RBFOX1: variants seen among roughly 807,000 people sequenced by gnomAD.
RBFOX1 encodes RNA binding fox-1 homolog 1, also known as RNA binding protein fox-1 homolog 1.
Under a neutral mutation model 57.7 loss-of-function variants are expected in RBFOX1, and 8 were observed. The observed-to-expected ratio is 0.14, with a 90% CI of 0.08 to 0.25. The LOEUF is 0.25. RBFOX1 is among the 10% of genes least tolerant of loss of function. The pLI, the probability that RBFOX1 is intolerant of heterozygous loss-of-function variation, is 1.00. For synonymous variants in RBFOX1, 326 were observed against 222.4 expected, an observed-to-expected ratio of 1.47 and a Z score of -4.15; for missense variants, 611 against 548.5, an observed-to-expected ratio of 1.11 and a Z score of -1.14.
chr16:5,436,186 G>T (rs2067912628), intron 1 of RBFOX1, among the ~76,000 whole-genome samples: 1 of 152,190 alleles, frequency 6.6e-6, no homozygotes, highest in South Asian at 2.1e-4. Context: ...ACACTTCAAT[G>T]CTCTGATCCC....
At chr16:6,879,683 C>T (rs1045474187) in intron 3 of RBFOX1, among the ~76,000 whole-genome samples, 23 of 152,136 alleles carry the variant, frequency 1.5e-4, no homozygotes, top group Non-Finnish European at 2.6e-4. Flanking sequence ...CTATGTTGTA[C>T]GTCTCTGTTT....
At chr16:7,395,871 G>T (rs1485988255) in intron 4 of RBFOX1, among the ~76,000 whole-genome samples, 4 of 152,108 alleles carry the variant, frequency 2.6e-5, no homozygotes, top group Non-Finnish European at 5.9e-5. Context: ...TAATTGACTG[G>T]CATGGTTACA....
chr16:5,648,748 C>T (rs1311807989), intron 3 of RBFOX1, among the ~76,000 whole-genome samples: 1 of 152,140 alleles, frequency 6.6e-6, no homozygotes, highest in Admixed American at 6.5e-5. Flanking sequence ...TCTACCTCCT[C>T]TTTTTATTTG....
chr16:7,014,164 A>C (rs2093788410), intron 3 of RBFOX1, among the ~76,000 whole-genome samples: 1 of 152,146 alleles, frequency 6.6e-6, no homozygotes, highest in African/African-American at 2.4e-5. Flanking sequence ...CAAGGTGCTG[A>C]AACTTTGACA....
chr16:6,862,860 C>T (rs909282711), intron 3 of RBFOX1, among the ~76,000 whole-genome samples: 5 of 151,442 alleles, frequency 3.3e-5, no homozygotes, highest in African/African-American at 1.2e-4. Flanking sequence ...TGGCCGGCAC[C>T]TGTAATCCCA....
intron 2 of RBFOX1, among the ~76,000 whole-genome samples, chr16:6,409,093 C>G (rs2093376230): frequency 6.6e-6 from 1 of 152,080 alleles, no homozygotes; most frequent in South Asian, 2.1e-4. Context: ...TCCCTACATA[C>G]TACTTCAAAT....
At chr16:5,997,625 T>A (rs2060513658) in intron 4 of RBFOX1, among the ~76,000 whole-genome samples, 2 of 152,210 alleles carry the variant, frequency 1.3e-5, no homozygotes. Flanking sequence ...TTGCAGGTGA[T>A]AAATGAATTA....
At chr16:5,905,064 CTTT>C (rs57349384) in intron 4 of RBFOX1, among the ~76,000 whole-genome samples, 138 of 78,460 alleles carry the variant, frequency 1.8e-3, no homozygotes, top group Admixed American at 3.6e-3. Flanking sequence ...ATGACTGGTG[CTTT>C]TTTTTTTTTT....
At chr16:5,812,397 C>G (rs2055465699) in intron 3 of RBFOX1, among the ~76,000 whole-genome samples, 3 of 151,932 alleles carry the variant, frequency 2.0e-5, no homozygotes, top group South Asian at 4.1e-4. Flanking sequence ...TACATTTCCA[C>G]CAGCAGTCTA....
intron 3 of RBFOX1, among the ~76,000 whole-genome samples, chr16:5,751,922 G>T (rs763494006): frequency 1.3e-5 from 2 of 152,080 alleles, no homozygotes; most frequent in Non-Finnish European, 2.9e-5. Context: ...TCCCATTCCT[G>T]GGTATATACC....
intron 3 of RBFOX1, among the ~76,000 whole-genome samples, chr16:6,863,044 T>C (rs1603633737): frequency 6.6e-6 from 1 of 151,884 alleles, no homozygotes; most frequent in African/African-American, 2.4e-5. Context: ...AGAGTCCTTC[T>C]AAGGTGTTTG....
At position 5,639,802 on chromosome 16, in the gene RBFOX1, C is replaced by G. The variant is rs577619612; in HGVS notation, c.318+40841C>G. The stretch of plus-strand genomic sequence containing the variant: ...TGGGTGTGGTTTCCAGTCCCCTGGG[C>G]TGGTGTCGCTCTGTTCTCTTTGTTA... On this transcript the variant is annotated intron_variant, in intron 3 of 19. Coordinates refer to the RBFOX1 transcript ENST00000641259. Among the ~76,000 whole-genome samples, 109 of 152,176 alleles carry G rather than the reference C, an allele frequency of 7.2e-4. 2 individuals carry two copies. Among genetic ancestry groups the G allele is most frequent in the Admixed American group, 1.2e-3 (18 of 15,284 alleles).
chr16:5,317,472 G>C (rs2064274313), intron 1 of RBFOX1, among the ~76,000 whole-genome samples: 1 of 152,194 alleles, frequency 6.6e-6, no homozygotes, highest in Non-Finnish European at 1.5e-5. Context: ...AGTTGGGCGT[G>C]GTGGCGCACG....
intron 3 of RBFOX1, among the ~76,000 whole-genome samples, chr16:6,820,261 G>A (rs12599928): frequency 0.53 from 79,860 of 152,002 alleles, 21,598 homozygotes; most frequent in Non-Finnish European, 0.59. Context: ...TTTATAAATT[G>A]TCCAGTCTCA....
intron 2 of RBFOX1, among the ~76,000 whole-genome samples, chr16:5,566,820 A>C (rs1382673738): frequency 6.6e-6 from 1 of 152,134 alleles, no homozygotes; most frequent in East Asian, 1.9e-4. Context: ...ACCTACAGAC[A>C]CACCGCATCG....
intron 4 of RBFOX1, among the ~76,000 whole-genome samples, chr16:7,315,455 T>TTCC: frequency 8.8e-6 from 1 of 114,030 alleles, no homozygotes; most frequent in Non-Finnish European, 1.8e-5. Flanking sequence ...TACTCTACCC[T>TTCC]ACCCCCCCCC....
At chr16:6,541,674 A>T (rs1330669390) in intron 2 of RBFOX1, among the ~76,000 whole-genome samples, 1 of 152,236 alleles carries the variant, frequency 6.6e-6, no homozygotes, top group African/African-American at 2.4e-5. Context: ...GAAGAGCAAG[A>T]ATATCAATTC....
chr16:7,089,014 T>C (rs951083602), intron 4 of RBFOX1, among the ~76,000 whole-genome samples: 3 of 152,204 alleles, frequency 2.0e-5, no homozygotes, highest in African/African-American at 7.2e-5. Context: ...TTAATCACAT[T>C]GGTTCTTTGA....
At chr16:6,686,524 C>T (rs996637691) in intron 3 of RBFOX1, among the ~76,000 whole-genome samples, 1 of 152,134 alleles carries the variant, frequency 6.6e-6, no homozygotes, top group Non-Finnish European at 1.5e-5. Flanking sequence ...TTCTTCCATC[C>T]ATGAAATTAT....
Sources: allele counts gnomAD v4.1 joint callset (sites outside exome capture counted in the v4.1 genomes callset), GRCh38; gene constraint gnomAD v4.1.1; transcripts MANE v1.5; gene names NCBI Gene and HGNC (gene_info 2026-07-23, HGNC 2026-07-21).